The following RAD51B variants were observed in gnomAD, a reference collection of about 807,000 sequenced individuals.
RAD51B encodes the protein RAD51 paralog B, also known as DNA repair protein RAD51 homolog 2.
RAD51B carries 38 observed loss-of-function variants against 42.2 expected under a neutral mutation model. The observed-to-expected ratio is 0.90, with a 90% CI of 0.70 to 1.18. The LOEUF (loss-of-function observed/expected upper bound fraction) is 1.18. RAD51B is among the 50% of genes most tolerant of loss of function. RAD51B has a pLI of 0.00. For missense variants in RAD51B, 373 were observed against 400.7 expected, an observed-to-expected ratio of 0.93 and a Z score of 0.59; for synonymous variants, 154 against 145.2, an observed-to-expected ratio of 1.06 and a Z score of -0.43.
intron 7 of RAD51B, among the ~76,000 whole-genome samples, chr14:68,220,681 A>G (rs868534826): frequency 3.3e-5 from 5 of 152,234 alleles, no homozygotes; most frequent in South Asian, 2.1e-4. Flanking sequence ...CTATTTGCCA[A>G]TGATATGATG....
chr14:68,468,121 G>A (rs185197382), intron 9 of RAD51B, 51 bp from the exon 10 acceptor site: 2 of 1,492,216 alleles, frequency 1.3e-6, no homozygotes, highest in African/African-American at 2.8e-5. Flanking sequence ...GTGAATAGAG[G>A]CCCATCCCTG....
intron 8 of RAD51B, among the ~76,000 whole-genome samples, chr14:68,309,915 G>A (rs1017760265): frequency 1.3e-5 from 2 of 152,176 alleles, no homozygotes; most frequent in South Asian, 2.1e-4. Context: ...TCAGTAGAAT[G>A]TGATGGCCTT....
At chr14:68,057,377 T>G (rs2076493996) in intron 7 of RAD51B, among the ~76,000 whole-genome samples, 1 of 152,160 alleles carries the variant, frequency 6.6e-6, no homozygotes, top group Non-Finnish European at 1.5e-5. Flanking sequence ...TAATGTAAAC[T>G]TTAATAAATG....
At chr14:68,610,086 T>G (rs774488062) in intron 10 of RAD51B, among the ~76,000 whole-genome samples, 1 of 152,208 alleles carries the variant, frequency 6.6e-6, no homozygotes. Context: ...CCTACTCTGC[T>G]GGCCGTCTCT....
At chr14:68,178,374 A>G (rs917034399) in intron 7 of RAD51B, among the ~76,000 whole-genome samples, 1 of 152,076 alleles carries the variant, frequency 6.6e-6, no homozygotes, top group Admixed American at 6.6e-5. Flanking sequence ...TGTTATGCAT[A>G]CTTTCTTTTT....
At chr14:68,384,992 G>A (rs546682351) in intron 8 of RAD51B, among the ~76,000 whole-genome samples, 5 of 152,180 alleles carry the variant, frequency 3.3e-5, no homozygotes, top group Non-Finnish European at 5.9e-5. Flanking sequence ...TACACAGCAC[G>A]ACGACAGAGG....
chr14:68,367,877 A>C (rs2083175427), intron 8 of RAD51B, among the ~76,000 whole-genome samples: 1 of 152,180 alleles, frequency 6.6e-6, no homozygotes, highest in Admixed American at 6.5e-5. Context: ...AACAAGAGAA[A>C]GCTTCTGAAA....
Position 67,863,080 on chromosome 14 carries a change from ATTAT to A in RAD51B, c.316-1917_316-1914del, listed in dbSNP as rs1014336159. ...TGGCAAGCTATTATTGACAGGAGTA[ATTAT>A]TTATTCTTAAAGTCTAAATGATCAT... On this transcript the variant is annotated intron_variant, in intron 4 of 10. Transcript: ENST00000471583. Among the ~76,000 whole-genome samples the A allele has an allele frequency of 5.3e-5, 8 of 151,848 alleles. No homozygotes were observed. In the South Asian group the frequency reaches 1.2e-3, roughly 24 times the overall value.
chr14:68,181,714 C>T (rs1281485272), intron 7 of RAD51B, among the ~76,000 whole-genome samples: 1 of 152,134 alleles, frequency 6.6e-6, no homozygotes, highest in Non-Finnish European at 1.5e-5. Flanking sequence ...TTTTCCATGT[C>T]TACAGATCCT....
At chr14:68,162,907 C>T (rs1057011499) in intron 7 of RAD51B, among the ~76,000 whole-genome samples, 2 of 152,198 alleles carry the variant, frequency 1.3e-5, no homozygotes, top group South Asian at 4.1e-4. Flanking sequence ...TTCCTGTAAG[C>T]ATGTGCTTTG....
chr14:68,492,743 C>T (rs986310979), intron 10 of RAD51B, among the ~76,000 whole-genome samples: 2 of 152,212 alleles, frequency 1.3e-5, no homozygotes, highest in African/African-American at 4.8e-5. Context: ...GCCTAGTGAA[C>T]TATAGAAGTG....
intron 7 of RAD51B, among the ~76,000 whole-genome samples, chr14:67,972,993 A>G (rs1253661981): frequency 6.6e-6 from 1 of 152,120 alleles, no homozygotes; most frequent in Non-Finnish European, 1.5e-5. Flanking sequence ...GTTTCAGGGC[A>G]TCTTATCTAA....
Position 68,240,522 on chromosome 14 carries a change from C to T in RAD51B, c.757-51362C>T, listed in dbSNP as rs2080360978. Among the ~76,000 whole-genome samples, 4 of 152,222 alleles carry T rather than the reference C, an allele frequency of 2.6e-5. No individual in the cohort carries two copies. The South Asian group carries it at 8.3e-4, about 31-fold the overall frequency. ...AAGCCAACTGAAGTTTCAGCTGGCTCAGGAACTTGCTTTTCATGGTGAATT... is the reference window on the plus strand; with the variant it reads ...AAGCCAACTGAAGTTTCAGCTGGCTTAGGAACTTGCTTTTCATGGTGAATT... On this transcript the variant is annotated intron_variant, in intron 7 of 10. Coordinates refer to ENST00000471583, the MANE Select transcript of RAD51B (RefSeq NM_133510.4).
chr14:67,930,929 T>C (rs1277254438), intron 7 of RAD51B, among the ~76,000 whole-genome samples: 1 of 149,058 alleles, frequency 6.7e-6, no homozygotes, highest in Non-Finnish European at 1.5e-5. Flanking sequence ...TTTTTTTTTT[T>C]CTTTTTTTTG....
chr14:67,921,567 T>TCACACACACACACACA (rs3219795), intron 7 of RAD51B, among the ~76,000 whole-genome samples: 12 of 125,876 alleles, frequency 9.5e-5, no homozygotes, highest in Non-Finnish European at 1.9e-4. Context: ...TATGTGCACA[T>TCACACACACACACACA]CACACACACA....
chr14:68,048,923 G>A (rs1388331215), intron 7 of RAD51B, among the ~76,000 whole-genome samples: 2 of 152,152 alleles, frequency 1.3e-5, no homozygotes, highest in African/African-American at 2.4e-5. Flanking sequence ...GTTTATTGCG[G>A]TACTATTCAC....
At chr14:68,649,242 G>T (rs920588643) in intron 10 of RAD51B, among the ~76,000 whole-genome samples, 1 of 152,162 alleles carries the variant, frequency 6.6e-6, no homozygotes, top group South Asian at 2.1e-4. Flanking sequence ...CTTGGGCAAA[G>T]CTCTTTTTGT....
chr14:68,640,428 T>C (rs1013660740), intron 10 of RAD51B, among the ~76,000 whole-genome samples: 3 of 152,224 alleles, frequency 2.0e-5, no homozygotes, highest in African/African-American at 4.8e-5. Context: ...ATCCACTTCG[T>C]AAGGTGCTTA....
At chr14:67,969,022 A>G (rs1375534115) in intron 7 of RAD51B, among the ~76,000 whole-genome samples, 3 of 152,174 alleles carry the variant, frequency 2.0e-5, no homozygotes, top group Non-Finnish European at 4.4e-5. Flanking sequence ...GGCAAGAGAA[A>G]AAAATGAGAG....
Sources: gnomAD v4.1 joint callset for allele counts (sites outside exome capture counted in the v4.1 genomes callset) on GRCh38, gnomAD v4.1.1 for gene constraint, MANE v1.5 for transcripts, NCBI Gene and HGNC (gene_info 2026-07-23, HGNC 2026-07-21) for gene names.